Variants in SAMD5 observed in about 807,000 individuals in gnomAD.
The protein encoded by SAMD5 is sterile alpha motif domain containing 5.
SAMD5 carries 13 observed loss-of-function variants against 11.3 expected under a neutral mutation model. The observed-to-expected ratio is 1.15, with a 90% CI of 0.75 to 1.83. The LOEUF is 1.83. SAMD5 is among the 40% of genes most tolerant of loss of function. The pLI is 0.00. For synonymous variants in SAMD5, 129 were observed against 111.3 expected, an observed-to-expected ratio of 1.16 and a Z score of -1.00; for missense variants, 255 against 239.1, an observed-to-expected ratio of 1.07 and a Z score of -0.44.
At chr6:147,852,700 A>G in the SAMD5 span, among the ~76,000 whole-genome samples, 1 of 152,208 alleles carries the variant, frequency 6.6e-6, no homozygotes. Context: ...TCAGTATGCT[A>G]CATAACAGAA....
At chr6:147,721,917 A>G (rs1223231279) in intron 1 of SAMD5, among the ~76,000 whole-genome samples, 1 of 152,224 alleles carries the variant, frequency 6.6e-6, no homozygotes, top group African/African-American at 2.4e-5. Context: ...ACATATATGA[A>G]TGTTTATGAT....
At chr6:147,666,447 C>T in intron 1 of SAMD5, among the ~76,000 whole-genome samples, 1 of 152,192 alleles carries the variant, frequency 6.6e-6, no homozygotes, top group Non-Finnish European at 1.5e-5. Flanking sequence ...CAGCCTGTTT[C>T]TGCTTTTGTG....
intron 1 of SAMD5, among the ~76,000 whole-genome samples, chr6:147,687,222 T>C (rs1310523795): frequency 1.3e-5 from 2 of 151,494 alleles, no homozygotes; most frequent in Non-Finnish European, 2.9e-5. Flanking sequence ...TCTGTTTTAC[T>C]TCATTTATCC....
chr6:147,538,789 T>G (rs1390166542), intron 1 of SAMD5, among the ~76,000 whole-genome samples: 1 of 152,210 alleles, frequency 6.6e-6, no homozygotes, highest in African/African-American at 2.4e-5. Flanking sequence ...GACATTTTAT[T>G]TTACTAATAA....
At chr6:147,844,034 C>A in the SAMD5 span, among the ~76,000 whole-genome samples, 1 of 151,984 alleles carries the variant, frequency 6.6e-6, no homozygotes, top group African/African-American at 2.4e-5. Flanking sequence ...GGAAAGGGAA[C>A]AATTAATAGA....
chr6:147,667,980 T>A (rs896103457), intron 1 of SAMD5, among the ~76,000 whole-genome samples: 1 of 152,180 alleles, frequency 6.6e-6, no homozygotes, highest in Non-Finnish European at 1.5e-5. Flanking sequence ...TAGGCTTTTG[T>A]TTTTTGGTAG....
the SAMD5 span, among the ~76,000 whole-genome samples, chr6:147,909,624 CTTTCTTTCTCTTTCTTG>C: frequency 5.8e-5 from 4 of 68,874 alleles, 1 homozygote; most frequent in African/African-American, 3.5e-4. Context: ...TTCTTTCTTT[CTTTCTTTCTCTTTCTTG>C]TCTTTTGTAC....
At chr6:147,850,442 G>T in the SAMD5 span, among the ~76,000 whole-genome samples, 1 of 152,134 alleles carries the variant, frequency 6.6e-6, no homozygotes. Context: ...TTTTCTAAAT[G>T]AACCCTTTAC....
the SAMD5 span, among the ~76,000 whole-genome samples, chr6:147,836,528 T>G: frequency 5.3e-5 from 8 of 152,178 alleles, no homozygotes; most frequent in African/African-American, 1.9e-4. Flanking sequence ...TTGTGCAAAA[T>G]CACCTAATAC....
chr6:147,739,877 C>T (rs1014139588), downstream of SAMD5, among the ~76,000 whole-genome samples: 6 of 151,912 alleles, frequency 3.9e-5, no homozygotes, highest in African/African-American at 7.3e-5. Flanking sequence ...TGGAGTGCAG[C>T]GGCATGATAT....
At chr6:147,536,021 T>C (rs1207229281) in intron 1 of SAMD5, among the ~76,000 whole-genome samples, 1 of 152,128 alleles carries the variant, frequency 6.6e-6, no homozygotes, top group Non-Finnish European at 1.5e-5. Context: ...TCTCGCTCTG[T>C]TGCCCAGGCT....
chr6:147,662,339 C>T (rs1435504560), intron 1 of SAMD5, among the ~76,000 whole-genome samples: 2 of 152,140 alleles, frequency 1.3e-5, no homozygotes, highest in African/African-American at 2.4e-5. Flanking sequence ...CAGAACTCTG[C>T]GACTCTGTAG....
At chr6:147,522,625 A>G (rs1341872896) in intron 1 of SAMD5, among the ~76,000 whole-genome samples, 1 of 152,220 alleles carries the variant, frequency 6.6e-6, no homozygotes, top group Non-Finnish European at 1.5e-5. Context: ...TTACTCCAAG[A>G]CCATTATACA....
At chr6:147,522,200 C>CA (rs1788265518) in intron 1 of SAMD5, among the ~76,000 whole-genome samples, 1 of 152,076 alleles carries the variant, frequency 6.6e-6, no homozygotes, top group East Asian at 1.9e-4. Context: ...AGTGTTATTG[C>CA]ATTGGCTAGA....
the SAMD5 span, among the ~76,000 whole-genome samples, chr6:147,844,539 C>G: frequency 7.2e-5 from 11 of 152,180 alleles, no homozygotes; most frequent in African/African-American, 2.6e-4. Flanking sequence ...GTCTGCACTC[C>G]CACATTCACT....
At chr6:147,870,475 T>TGA in the SAMD5 span, among the ~76,000 whole-genome samples, 89 of 73,678 alleles carry the variant, frequency 1.2e-3, no homozygotes, top group Non-Finnish European at 2.4e-3. Context: ...TGTGTGTGTG[T>TGA]GTGTGTGTAT....
At chr6:147,868,916 A>G in the SAMD5 span, among the ~76,000 whole-genome samples, 3 of 152,204 alleles carry the variant, frequency 2.0e-5, no homozygotes, top group Non-Finnish European at 4.4e-5. Flanking sequence ...GACCAAAAAT[A>G]AGTACTCTAG....
At chr6:147,843,227 T>G in the SAMD5 span, among the ~76,000 whole-genome samples, 1 of 152,200 alleles carries the variant, frequency 6.6e-6, no homozygotes, top group African/African-American at 2.4e-5. Context: ...TCAAGTATAC[T>G]CCTATGTATT....
At chr6:147,671,313 C>T (rs1790792446) in intron 1 of SAMD5, among the ~76,000 whole-genome samples, 3 of 152,130 alleles carry the variant, frequency 2.0e-5, no homozygotes, top group Admixed American at 2.0e-4. Flanking sequence ...AAAGTGAGCA[C>T]ATGCTGTTGG....
Sources: gnomAD v4.1 joint callset for allele counts (sites outside exome capture counted in the v4.1 genomes callset) on GRCh38, gnomAD v4.1.1 for gene constraint, MANE v1.5 for transcripts, NCBI Gene and HGNC (gene_info 2026-07-23, HGNC 2026-07-21) for gene names.